MCTP2: variants seen among roughly 807,000 people sequenced by gnomAD.
MCTP2 encodes multiple C2 and transmembrane domain containing 2.
Under a neutral mutation model 111.6 loss-of-function variants are expected in MCTP2, and 132 were observed. The ratio of observed to expected loss-of-function variants is 1.18; its 90% confidence interval spans 1.03 to 1.37. The LOEUF is 1.37. MCTP2 is among the 40% of genes most tolerant of loss of function. MCTP2 has a pLI of 0.00. For synonymous variants in MCTP2, 395 were observed against 387.7 expected (o/e 1.02, Z -0.22); for missense variants, 1,183 against 1,067.9 (o/e 1.11, Z -1.50).
At chr15:94,344,041 T>C (rs2077817524) in intron 7 of MCTP2, 2 of 151,110 alleles carry the variant, frequency 1.3e-5, no homozygotes, top group African/African-American at 4.9e-5. Flanking sequence ...GGTGAAAATA[T>C]CTGTCACTAT....
At chr15:94,445,116 C>T (rs1437737661) in intron 19 of MCTP2, among the ~76,000 whole-genome samples, 12 of 152,144 alleles carry the variant, frequency 7.9e-5, no homozygotes, top group Non-Finnish European at 1.6e-4. Flanking sequence ...GCAAGGATGA[C>T]TGAAGAAAGA....
At chr15:94,432,357 C>T (rs1232466054) in intron 17 of MCTP2, among the ~76,000 whole-genome samples, 1 of 152,064 alleles carries the variant, frequency 6.6e-6, no homozygotes, top group African/African-American at 2.4e-5. Flanking sequence ...TTTTCTACCA[C>T]AAAAGAACAC....
intron 14 of MCTP2, 109 bp downstream of exon 14, chr15:94,385,634 A>G (rs1038172712): frequency 1.3e-6 from 1 of 754,602 alleles, no homozygotes; most frequent in Non-Finnish European, 2.3e-6. Context: ...AAATCCTCCT[A>G]ACTATAGCAG....
chr15:94,270,751 G>A (rs879105401), intron 1 of MCTP2, among the ~76,000 whole-genome samples: 3 of 152,164 alleles, frequency 2.0e-5, no homozygotes, highest in African/African-American at 7.2e-5. Context: ...CTCATCTAAG[G>A]GGTGTTTTCC....
chr15:94,412,527 C>T (rs1043758022), intron 17 of MCTP2, among the ~76,000 whole-genome samples: 10 of 152,042 alleles, frequency 6.6e-5, no homozygotes, highest in Admixed American at 3.9e-4. Flanking sequence ...ACAATGATGA[C>T]AAGGATGATG....
chr15:94,370,223 C>T, intron 12 of MCTP2, 43 bp downstream of exon 12: 1 of 1,515,302 alleles, frequency 6.6e-7, no homozygotes. Context: ...TATTTATTTC[C>T]TGCTTTGAAA....
intron 17 of MCTP2, among the ~76,000 whole-genome samples, chr15:94,417,427 T>G (rs888992134): frequency 6.6e-6 from 1 of 152,128 alleles, no homozygotes; most frequent in African/African-American, 2.4e-5. Context: ...ATGTAACAGG[T>G]CAAAAATTGA....
intron 17 of MCTP2, among the ~76,000 whole-genome samples, chr15:94,418,272 C>T (rs1188206059): frequency 1.3e-5 from 2 of 152,058 alleles, no homozygotes; most frequent in Non-Finnish European, 2.9e-5. Context: ...CCCCACAGTG[C>T]CAAAAATTAC....
rs1411211706 is a variant in MCTP2 at position 94,326,826 on chromosome 15, C to T, written c.637+11189C>T. Among the ~76,000 whole-genome samples, 7 of 107,772 alleles carry T rather than the reference C, an allele frequency of 6.5e-5. 1 individual carries two copies. In the South Asian group the frequency reaches 3.0e-3, roughly 46 times the overall value. The allele number at this position is 107,772 out of a possible 152,430, so 70.7% of individuals were successfully genotyped here. On this transcript the variant is annotated intron_variant, in intron 4 of 22. Coordinates refer to ENST00000357742, the MANE Select transcript of MCTP2 (RefSeq NM_001385001.1). ...CAGGTGATCCCCGCCCCACCCCCCC[C>T]CAACCTCGGCCTCCCAAAGTGCTGG...
At chr15:94,412,668 A>G (rs1442501925) in intron 17 of MCTP2, among the ~76,000 whole-genome samples, 1 of 151,956 alleles carries the variant, frequency 6.6e-6, no homozygotes, top group Non-Finnish European at 1.5e-5. Context: ...CTCTTTAAGG[A>G]ATAGAGTATT....
rs369187652 is a variant in MCTP2 at position 94,480,688 on chromosome 15, A to C, written c.*1654A>C. On this transcript the variant is annotated 3_prime_UTR_variant, in exon 23 of 23. Transcript: ENST00000357742. ...ATAGTCTGTCATTTTGTAACGACCTAAGTCAGACATTTTTAAACAGACATG... is the reference window on the plus strand; with the variant it reads ...ATAGTCTGTCATTTTGTAACGACCTCAGTCAGACATTTTTAAACAGACATG... 1 of 152,370 alleles carries C rather than the reference A, an allele frequency of 6.6e-6. No homozygotes were observed. Among genetic ancestry groups the C allele is most frequent in the African/African-American group, 2.4e-5 (1 of 41,590 alleles). 9.4% of individuals were successfully genotyped at this position (152,370 alleles called of 1,614,324 possible). A position where few individuals can be genotyped will look rare whatever the true frequency, so the allele number is the denominator to read the frequency against.
Position 94,420,243 on chromosome 15 carries a change from C to T in MCTP2, c.2085+18224C>T, listed in dbSNP as rs558575512. Among the ~76,000 whole-genome samples, 24 of 152,210 alleles carry T rather than the reference C, an allele frequency of 1.6e-4. No homozygotes were observed. In the East Asian group the frequency reaches 3.9e-3, roughly 25 times the overall value. Reference sequence around the variant, plus strand: ...TTTTTTTCAAAATATCACTGCTCATCGAACATGTACCTAGCTGCTCAAGAG... The same window carrying T: ...TTTTTTTCAAAATATCACTGCTCATTGAACATGTACCTAGCTGCTCAAGAG... On this transcript the variant is annotated intron_variant, in intron 17 of 22. Transcript: ENST00000357742.
chr15:94,405,489 G>A (rs756954389), intron 17 of MCTP2, among the ~76,000 whole-genome samples: 11 of 152,154 alleles, frequency 7.2e-5, no homozygotes, highest in Middle Eastern at 3.2e-3. Context: ...ATGGTGTCTC[G>A]TCAGAAGTGG....
At chr15:94,254,898 T>G (rs1460397870) in intron 1 of MCTP2, among the ~76,000 whole-genome samples, 1 of 152,228 alleles carries the variant, frequency 6.6e-6, no homozygotes, top group East Asian at 1.9e-4. Flanking sequence ...TTAAACAATG[T>G]CATTGTATTA....
intron 19 of MCTP2, among the ~76,000 whole-genome samples, chr15:94,444,956 A>C (rs1433514993): frequency 6.6e-6 from 1 of 152,192 alleles, no homozygotes; most frequent in Non-Finnish European, 1.5e-5. Flanking sequence ...TGATGAATGG[A>C]AACATGGTAT....
chr15:94,272,274 C>T (rs2073945865), intron 1 of MCTP2, among the ~76,000 whole-genome samples: 1 of 152,118 alleles, frequency 6.6e-6, no homozygotes, highest in Non-Finnish European at 1.5e-5. Context: ...CAGATAATAA[C>T]TATTCTTCTA....
chr15:94,257,872 A>G (rs2152277406), intron 1 of MCTP2, among the ~76,000 whole-genome samples: 1 of 149,830 alleles, frequency 6.7e-6, no homozygotes, highest in African/African-American at 2.5e-5. Flanking sequence ...GGCGTGAGCC[A>G]CCGTGCCTGG....
rs149248613 is a variant in MCTP2 at position 94,462,903 on chromosome 15, G to A, written c.2360+4657G>A. ...ATCACCTAAAAATATTAACTATTAT[G>A]AGTATTATTTTATGGCCACTGACTT... On this transcript the variant is annotated intron_variant, in intron 20 of 22. Transcript: ENST00000357742. Among the ~76,000 whole-genome samples, 796 of 152,276 alleles carry A rather than the reference G, an allele frequency of 5.2e-3. 4 individuals are homozygous for A. Among genetic ancestry groups the A allele is most frequent in the African/African-American group, 0.018 (728 of 41,558 alleles).
intron 16 of MCTP2, among the ~76,000 whole-genome samples, chr15:94,401,684 G>A (rs1018193889): frequency 1.4e-4 from 21 of 152,140 alleles, no homozygotes; most frequent in Admixed American, 1.0e-3. Flanking sequence ...TTCTTTTTCA[G>A]ATGAGCGCTA....
Sources: gnomAD v4.1 joint callset for allele counts (sites outside exome capture counted in the v4.1 genomes callset) on GRCh38, gnomAD v4.1.1 for gene constraint, MANE v1.5 for transcripts, NCBI Gene and HGNC (gene_info 2026-07-23, HGNC 2026-07-21) for gene names.